The following EIF4E variants were observed in gnomAD, a reference collection of about 807,000 sequenced individuals.
EIF4E encodes the protein eukaryotic translation initiation factor 4E, also known as eIF-4F 25 kDa subunit.
For missense variants in EIF4E, 113 were observed against 265.6 expected, an observed-to-expected ratio of 0.43 and a Z score of 3.99; for synonymous variants, 71 against 88.5, an observed-to-expected ratio of 0.80 and a Z score of 1.11.
intron 1 of EIF4E, among the ~76,000 whole-genome samples, chr4:98,913,802 A>C (rs143924281): frequency 6.6e-6 from 1 of 152,268 alleles, no homozygotes; most frequent in East Asian, 1.9e-4. Flanking sequence ...TCCAAACGTA[A>C]AAGGATCTAC....
chr4:98,896,355 G>C (rs1724389535), intron 2 of EIF4E, among the ~76,000 whole-genome samples: 1 of 151,606 alleles, frequency 6.6e-6, no homozygotes, highest in Non-Finnish European at 1.5e-5. Context: ...GTGAGTGATA[G>C]AGCAAGACCC....
chr4:98,907,619 G>A (rs1276531872), intron 1 of EIF4E, among the ~76,000 whole-genome samples: 3 of 152,184 alleles, frequency 2.0e-5, no homozygotes, highest in African/African-American at 7.2e-5. Context: ...ATCAGTCCCT[G>A]ATGCACTAGG....
Position 98,880,926 on chromosome 4 carries a change from T to C in EIF4E, c.*102A>G. ...GAGTAACATTAAGATGGAAATCAAA[T>C]TTAAATGCAGTCCACTCTGCTTTTT... On this transcript the variant is annotated 3_prime_UTR_variant, in exon 7 of 7. Transcript: ENST00000450253. 2 of 1,527,994 alleles carry C rather than the reference T, an allele frequency of 1.3e-6. No homozygotes were observed. The highest frequency in any genetic ancestry group is 8.8e-7 in the Non-Finnish European group (1 of 1,130,346). 94.7% of individuals were successfully genotyped at this position (1,527,994 alleles called of 1,614,324 possible). A position where few individuals can be genotyped will look rare whatever the true frequency, so the allele number is the denominator to read the frequency against.
chr4:98,927,654 C>CAAAAAAAAAAAAAAA (rs774720176), intron 1 of EIF4E, among the ~76,000 whole-genome samples: 2 of 35,090 alleles, frequency 5.7e-5, no homozygotes, highest in Non-Finnish European at 1.1e-4. Flanking sequence ...GACTCCATCT[C>CAAAAAAAAAAAAAAA]AAAAAAAAAA....
Position 98,928,955 on chromosome 4 carries a change from G to A in EIF4E, c.18+140C>T, listed in dbSNP as rs1171990081. The A allele has an allele frequency of 9.5e-6, 15 of 1,578,698 alleles. No homozygotes were observed. In the South Asian group the frequency reaches 1.4e-4, roughly 15 times the overall value. ...TCCGGGACGTCCCCACTTGTCCGCG[G>A]GAGGTCAGGTCCAACATGAAGGGGA... On this transcript the variant is annotated intron_variant, in intron 1 of 6. Coordinates refer to ENST00000450253, the MANE Select transcript of EIF4E (RefSeq NM_001968.5).
At chr4:98,884,292 G>C (rs543543608) in intron 6 of EIF4E, among the ~76,000 whole-genome samples, 1 of 152,094 alleles carries the variant, frequency 6.6e-6, no homozygotes, top group African/African-American at 2.4e-5. Context: ...CACTTTCAAA[G>C]TAGGAAATAA....
chr4:98,909,714 G>A, intron 1 of EIF4E: 1 of 708,188 alleles, frequency 1.4e-6, no homozygotes, highest in Non-Finnish European at 2.6e-6. Context: ...GCTTTTTAAT[G>A]GCATCATTTT....
chr4:98,891,042 G>A (rs918846033), intron 3 of EIF4E, 195 bp downstream of exon 3: 2 of 632,136 alleles, frequency 3.2e-6, no homozygotes, highest in African/African-American at 3.7e-5. Context: ...AATTGGGGCT[G>A]GGGGATGACA....
chr4:98,899,927 T>G (rs1724576710), intron 2 of EIF4E, among the ~76,000 whole-genome samples: 1 of 151,828 alleles, frequency 6.6e-6, no homozygotes, highest in African/African-American at 2.4e-5. Context: ...TACTTGCTAT[T>G]TTACACAAAA....
At chr4:98,905,476 G>A (rs1474027546) in intron 1 of EIF4E, among the ~76,000 whole-genome samples, 1 of 152,190 alleles carries the variant, frequency 6.6e-6, no homozygotes, top group Admixed American at 6.5e-5. Flanking sequence ...AGTGACCAAT[G>A]TGGCTGAAAG....
chr4:98,917,747 G>A (rs1490357379), intron 1 of EIF4E, among the ~76,000 whole-genome samples: 2 of 152,152 alleles, frequency 1.3e-5, no homozygotes, highest in Non-Finnish European at 2.9e-5. Context: ...CTGCTGTGGT[G>A]TCCTAGGTCA....
chr4:98,915,321 GAGA>G (rs1317342785), intron 1 of EIF4E, among the ~76,000 whole-genome samples: 1 of 151,276 alleles, frequency 6.6e-6, no homozygotes, highest in African/African-American at 2.4e-5. Context: ...AAAAAAAAAA[GAGA>G]AGTTCACAAA....
chr4:98,927,552 A>C (rs1324265367), intron 1 of EIF4E, among the ~76,000 whole-genome samples: 1 of 147,128 alleles, frequency 6.8e-6, no homozygotes, highest in African/African-American at 2.5e-5. Context: ...GCTACTCAAG[A>C]GGCTGAAGCA....
At chr4:98,909,055 A>G (rs1167012907) in intron 1 of EIF4E, among the ~76,000 whole-genome samples, 1 of 152,202 alleles carries the variant, frequency 6.6e-6, no homozygotes, top group African/African-American at 2.4e-5. Context: ...CCTCAGGCTC[A>G]ACACCTTTGC....
At chr4:98,886,550 GA>G in intron 5 of EIF4E, 3 of 409,904 alleles carry the variant, frequency 7.3e-6, no homozygotes, top group South Asian at 3.6e-5. Context: ...CCCATCTCTG[GA>G]AAAAAATTAG....
At chr4:98,919,112 T>C (rs1394863545) in intron 1 of EIF4E, among the ~76,000 whole-genome samples, 2 of 151,972 alleles carry the variant, frequency 1.3e-5, no homozygotes, top group Non-Finnish European at 2.9e-5. Context: ...ATCAAGACCA[T>C]CCTAGCCAAC....
intron 1 of EIF4E, among the ~76,000 whole-genome samples, chr4:98,916,977 A>G (rs1452472621): frequency 1.3e-5 from 2 of 152,092 alleles, no homozygotes; most frequent in Non-Finnish European, 2.9e-5. Context: ...TATAAAGGGC[A>G]GCAGTCCAGA....
chr4:98,901,939 T>C lies in EIF4E; in HGVS notation c.62A>G (p.Lys21Arg). 6.2e-7 allele frequency: 1 copy of C among 1,613,334 alleles called. No homozygotes were observed. Among genetic ancestry groups the C allele is most frequent in the Non-Finnish European group, 8.5e-7 (1 of 1,179,914 alleles). The part of the protein sequence containing the change: ...TPNPPTTEEE[K>R]TESNQEVANP... ...AGCAACCTCCTGATTAGATTCCGTT[T>C]TCTCCTCTTCTGTAGTCGGGGGATT... Residue 21 changes from lysine to arginine, a missense_variant, in exon 2 of 7, where the codon AAA becomes AGA. By Grantham distance (26) the Lys-to-Arg change is conservative. Coordinates refer to ENST00000450253, the MANE Select transcript of EIF4E (RefSeq NM_001968.5).
rs1395572598 is a variant in EIF4E at position 98,880,486 on chromosome 4, C to A, written c.*542G>T. 1 of 84,144 alleles carries A rather than the reference C, an allele frequency of 1.2e-5. No homozygotes were observed. Among genetic ancestry groups the A allele is most frequent in the African/African-American group, 4.6e-5 (1 of 21,750 alleles). 5.2% of individuals were successfully genotyped at this position (84,144 alleles called of 1,614,324 possible). On this transcript the variant is annotated 3_prime_UTR_variant, in exon 7 of 7. Transcript: ENST00000450253. The stretch of plus-strand genomic sequence containing the variant: ...ACAAATGAAAAACTGAAATCAGAAT[C>A]ACTAATATTATCAAGTAGGGAAACA...
Sources: gnomAD v4.1 joint callset for allele counts (sites outside exome capture counted in the v4.1 genomes callset) on GRCh38, gnomAD v4.1.1 for gene constraint, MANE v1.5 for transcripts, NCBI Gene and HGNC (gene_info 2026-07-23, HGNC 2026-07-21) for gene names.